The following ARHGAP25 variants were observed in gnomAD, a reference collection of about 807,000 sequenced individuals.
ARHGAP25 encodes the protein rho GTPase-activating protein 25.
Under a neutral mutation model 71.0 loss-of-function variants are expected in ARHGAP25, and 34 were observed. The ratio of observed to expected loss-of-function variants is 0.48; its 90% CI spans 0.36 to 0.64. The LOEUF (loss-of-function observed/expected upper bound fraction) is 0.64. ARHGAP25 is among the 30% of genes least tolerant of loss of function. The probability of loss-of-function intolerance (pLI) is 0.00; values close to 1 mark genes in which losing one functional copy is unlikely to be tolerated. For synonymous variants in ARHGAP25, 282 were observed against 296.5 expected (o/e 0.95, Z 0.50); for missense variants, 706 against 805.1 (o/e 0.88, Z 1.49).
intron 6 of ARHGAP25, 175 bp from the exon 7 acceptor site, chr2:68,816,114 G>T: frequency 1.5e-6 from 1 of 662,140 alleles, no homozygotes. Context: ...AAAATTCTGT[G>T]AGAATTGAGT....
upstream of ARHGAP25, among the ~76,000 whole-genome samples, chr2:68,731,937 G>A (rs1675033083): frequency 6.6e-6 from 1 of 152,188 alleles, no homozygotes; most frequent in African/African-American, 2.4e-5. Flanking sequence ...GGGCGGTGAG[G>A]TGGGGAAGCA....
chr2:68,808,407 C>T (rs1192325661), intron 5 of ARHGAP25, among the ~76,000 whole-genome samples: 3 of 152,180 alleles, frequency 2.0e-5, no homozygotes, highest in African/African-American at 4.8e-5. Context: ...GAAGCTCCCT[C>T]ACCCCTCACT....
At chr2:68,748,855 A>G (rs1019407918) in intron 1 of ARHGAP25, among the ~76,000 whole-genome samples, 1 of 152,186 alleles carries the variant, frequency 6.6e-6, no homozygotes, top group Non-Finnish European at 1.5e-5. Flanking sequence ...TCTTGCTCCT[A>G]TAATCAAAGT....
At chr2:68,815,806 C>CT (rs113741654) in intron 6 of ARHGAP25, among the ~76,000 whole-genome samples, 50,476 of 151,612 alleles carry the variant, frequency 0.33, 8,524 homozygotes, top group East Asian at 0.43. Context: ...TTGCACCGTC[C>CT]TCCAGCGTGG....
In ARHGAP25 at chr2:68,735,267, T is replaced by C. The variant is rs899668858; in HGVS notation, c.61+7T>C. 14 of 1,613,742 alleles carry C rather than the reference T, an allele frequency of 8.7e-6. No individual in the cohort carries two copies. In the African/African-American group the frequency reaches 1.3e-4, roughly 15 times the overall value. Reference sequence around the variant, plus strand: ...GTGGAGGCTGCGAAAATAGGTATGGTTGGTGTCTTTTCGTTGCCTCTGTGA... The same window carrying C: ...GTGGAGGCTGCGAAAATAGGTATGGCTGGTGTCTTTTCGTTGCCTCTGTGA... On this transcript the variant is annotated splice_region_variant and intron_variant, in intron 1 of 10. Transcript: ENST00000409202.
At chr2:68,802,735 A>AT (rs1680086510) in intron 4 of ARHGAP25, among the ~76,000 whole-genome samples, 1 of 151,382 alleles carries the variant, frequency 6.6e-6, no homozygotes, top group African/African-American at 2.4e-5. Flanking sequence ...GAGAGAGAAA[A>AT]GATGGAAATA....
intron 1 of ARHGAP25, among the ~76,000 whole-genome samples, chr2:68,771,485 AAGAG>A (rs1254725363): frequency 6.6e-6 from 1 of 152,252 alleles, no homozygotes; most frequent in African/African-American, 2.4e-5. Flanking sequence ...ACCCACAAAG[AAGAG>A]AGACTGTTCA....
chr2:68,758,111 C>A (rs1016482648), intron 1 of ARHGAP25, among the ~76,000 whole-genome samples: 2 of 151,802 alleles, frequency 1.3e-5, no homozygotes, highest in Non-Finnish European at 1.5e-5. Context: ...ATAATATAGA[C>A]GTACACAAAC....
chr2:68,779,324 G>A (rs563456916), intron 2 of ARHGAP25, among the ~76,000 whole-genome samples: 2 of 152,294 alleles, frequency 1.3e-5, no homozygotes, highest in Admixed American at 1.3e-4. Flanking sequence ...CATTATATAG[G>A]ATTTCCACCA....
chr2:68,765,435 A>G (rs1677066320), intron 1 of ARHGAP25, among the ~76,000 whole-genome samples: 1 of 152,102 alleles, frequency 6.6e-6, no homozygotes, highest in East Asian at 1.9e-4. Flanking sequence ...ATCATTTATT[A>G]TATCAACATT....
chr2:68,748,319 G>T (rs554718922), intron 1 of ARHGAP25, among the ~76,000 whole-genome samples: 1 of 152,162 alleles, frequency 6.6e-6, no homozygotes, highest in East Asian at 1.9e-4. Flanking sequence ...CTTCAAAGAG[G>T]TCTTTCCTGA....
chr2:68,764,041 G>T (rs1161704251), intron 1 of ARHGAP25, among the ~76,000 whole-genome samples: 1 of 152,126 alleles, frequency 6.6e-6, no homozygotes, highest in Non-Finnish European at 1.5e-5. Flanking sequence ...ATCAATCCCT[G>T]CTCTCACCCT....
chr2:68,825,874 G>A (rs1682090066), intron 10 of ARHGAP25, 113 bp from the exon 11 acceptor site: 3 of 874,382 alleles, frequency 3.4e-6, no homozygotes, highest in Non-Finnish European at 5.2e-6. Flanking sequence ...TGAGAGGTTG[G>A]ATAAGGGTCT....
intron 1 of ARHGAP25, chr2:68,757,744 T>C (rs1354301564): frequency 6.6e-6 from 1 of 152,088 alleles, no homozygotes; most frequent in Non-Finnish European, 1.5e-5. Context: ...AATACATCTA[T>C]GATTTTAAAA....
chr2:68,802,936 C>T (rs1680104426), intron 4 of ARHGAP25, among the ~76,000 whole-genome samples: 3 of 149,284 alleles, frequency 2.0e-5, no homozygotes, highest in African/African-American at 7.4e-5. Flanking sequence ...TCCATATATA[C>T]ACATATGTGT....
chr2:68,821,701 T>C (rs1231693655), intron 9 of ARHGAP25, among the ~76,000 whole-genome samples: 1 of 152,118 alleles, frequency 6.6e-6, no homozygotes, highest in Non-Finnish European at 1.5e-5. Flanking sequence ...TAATTTTAAT[T>C]TGAGTTTCTT....
At chr2:68,814,949 CCATT>C (rs1438718883) in intron 6 of ARHGAP25, among the ~76,000 whole-genome samples, 2 of 152,168 alleles carry the variant, frequency 1.3e-5, no homozygotes, top group Admixed American at 6.5e-5. Flanking sequence ...TATCTGCTCA[CCATT>C]GTGAAAGTAA....
intron 2 of ARHGAP25, among the ~76,000 whole-genome samples, chr2:68,723,311 G>A (rs1488901940): frequency 1.3e-5 from 2 of 152,326 alleles, no homozygotes; most frequent in East Asian, 1.9e-4. Context: ...CTAATCGGGG[G>A]CAGGGAGCCT....
At chr2:68,779,844 C>T (rs1678194621) in intron 2 of ARHGAP25, among the ~76,000 whole-genome samples, 1 of 152,236 alleles carries the variant, frequency 6.6e-6, no homozygotes, top group South Asian at 2.1e-4. Context: ...GTGTCTCTTC[C>T]TCTTACCTGC....
Sources: gnomAD v4.1 joint callset for allele counts (sites outside exome capture counted in the v4.1 genomes callset) on GRCh38, gnomAD v4.1.1 for gene constraint, MANE v1.5 for transcripts, NCBI Gene and HGNC (gene_info 2026-07-23, HGNC 2026-07-21) for gene names.